NFIB: variants seen among roughly 807,000 people sequenced by gnomAD.
The protein encoded by NFIB is nuclear factor 1 B-type.
Under a neutral mutation model 61.5 loss-of-function variants are expected in NFIB, and 11 were observed. The observed-to-expected ratio is 0.18, with a 90% CI of 0.11 to 0.30. The LOEUF is 0.30. Among genes scored for constraint, NFIB ranks in the 10% least tolerant of loss-of-function variants. NFIB has a pLI of 1.00. For synonymous variants in NFIB, 260 were observed against 216.5 expected, an observed-to-expected ratio of 1.20 and a Z score of -1.76; for missense variants, 471 against 608.9, an observed-to-expected ratio of 0.77 and a Z score of 2.38.
chr9:14,348,534 G>A (rs948479042), intron 1 of NFIB, among the ~76,000 whole-genome samples: 1 of 152,164 alleles, frequency 6.6e-6, no homozygotes, highest in African/African-American at 2.4e-5. Flanking sequence ...TCAGTGCTTC[G>A]GCTCCAGTTT....
upstream of NFIB, among the ~76,000 whole-genome samples, chr9:14,400,887 G>C (rs941724085): frequency 2.0e-5 from 3 of 152,210 alleles, no homozygotes; most frequent in Non-Finnish European, 4.4e-5. Context: ...AGGAGGCAAT[G>C]GCTTGGCAAA....
the NFIB span, among the ~76,000 whole-genome samples, chr9:14,507,703 G>A: frequency 2.0e-5 from 3 of 152,172 alleles, no homozygotes; most frequent in African/African-American, 7.2e-5. Flanking sequence ...AACTGGCAGA[G>A]TGTTAGGTTT....
In NFIB at chr9:14,219,381, TA is replaced by T. The variant is rs751279935; in HGVS notation, c.563-39602del. Among the ~76,000 whole-genome samples the T allele has an allele frequency of 3.0e-3, 220 of 73,504 alleles. 1 individual carries two copies. In the Middle Eastern group the frequency reaches 0.037, roughly 12 times the overall value. 48.2% of individuals were successfully genotyped at this position (73,504 alleles called of 152,430 possible). A position where few individuals can be genotyped will look rare whatever the true frequency, so the allele number is the denominator to read the frequency against. ...ATAGAGTCATCTTGTAGCACTAGGG[TA>T]AAAAAAAAAAAAAAAAAAAAAAGTC... On this transcript the variant is annotated intron_variant, in intron 2 of 10. Transcript: ENST00000380953.
At chr9:14,407,615 G>C in the NFIB span, among the ~76,000 whole-genome samples, 6 of 152,164 alleles carry the variant, frequency 3.9e-5, no homozygotes, top group Admixed American at 3.3e-4. Context: ...TAAAAATTCA[G>C]ATAGTGTGGA....
chr9:14,159,071 G>C (rs2043820840), intron 3 of NFIB, among the ~76,000 whole-genome samples: 1 of 152,184 alleles, frequency 6.6e-6, no homozygotes, highest in African/African-American at 2.4e-5. Flanking sequence ...TGACCATTAA[G>C]ATGGAGTGGG....
At chr9:14,439,090 G>A in the NFIB span, among the ~76,000 whole-genome samples, 16 of 152,336 alleles carry the variant, frequency 1.1e-4, 1 homozygote, top group South Asian at 3.3e-3. Context: ...GAAGTTTCAG[G>A]CTCGGCGTTG....
chr9:14,248,240 C>A (rs2132104264), intron 2 of NFIB, among the ~76,000 whole-genome samples: 1 of 151,410 alleles, frequency 6.6e-6, no homozygotes, highest in East Asian at 2.0e-4. Context: ...TCCTAGCAAT[C>A]CTCCCACCTA....
At chr9:14,239,330 G>A (rs1332181597) in intron 2 of NFIB, among the ~76,000 whole-genome samples, 1 of 152,082 alleles carries the variant, frequency 6.6e-6, no homozygotes, top group Non-Finnish European at 1.5e-5. Flanking sequence ...GGTGTAGAGA[G>A]GAAAAGAGGA....
the NFIB span, among the ~76,000 whole-genome samples, chr9:14,442,006 T>C: frequency 1.3e-5 from 2 of 152,184 alleles, no homozygotes; most frequent in Non-Finnish European, 2.9e-5. Context: ...TGCTAAACAC[T>C]TCACAGGAAT....
rs1018552746 is a variant in NFIB, at chr9:14,330,297, C to G, written c.109-22777G>C. ...TAATATTCTTATCTGACATACCTCACAGAAATGTGATCATGTGCTAAGACC... is the reference window on the plus strand; with the variant it reads ...TAATATTCTTATCTGACATACCTCAGAGAAATGTGATCATGTGCTAAGACC... On this transcript the variant is annotated intron_variant, in intron 1 of 8. Transcript: ENST00000380934. Among the ~76,000 whole-genome samples, 7 of 152,116 alleles carry G rather than the reference C, an allele frequency of 4.6e-5. No individual in the cohort carries two copies. The South Asian group carries it at 1.0e-3, about 23-fold the overall frequency.
chr9:14,463,576 TC>T, the NFIB span, among the ~76,000 whole-genome samples: 1 of 151,706 alleles, frequency 6.6e-6, no homozygotes, highest in East Asian at 1.9e-4. Flanking sequence ...AAGTGAATTT[TC>T]CCCACATTTT....
At chr9:14,335,145 T>C (rs945201363) in intron 1 of NFIB, among the ~76,000 whole-genome samples, 2 of 152,254 alleles carry the variant, frequency 1.3e-5, no homozygotes, top group African/African-American at 4.8e-5. Flanking sequence ...AACATTCATG[T>C]ACAAGTCTTT....
chr9:14,486,998 G>C, the NFIB span, among the ~76,000 whole-genome samples: 2 of 152,104 alleles, frequency 1.3e-5, no homozygotes, highest in African/African-American at 2.4e-5. Flanking sequence ...TTTAATTTTT[G>C]TGTCAGGTTA....
In NFIB at chr9:14,313,403, C is replaced by G. The variant is rs2060384988; in HGVS notation, c.30+79G>C. 2 of 1,597,610 alleles carry G rather than the reference C, an allele frequency of 1.3e-6. No homozygotes were observed. The highest frequency in any genetic ancestry group is 3.3e-4 in the Middle Eastern group (2 of 6,012). ...GGGATGTGCGGAGGTTAACTCAAGC[C>G]GCTAATTGTCCGCAACAAAACAAAA... On this transcript the variant is annotated intron_variant, in intron 1 of 10. Transcript: ENST00000380953. The surrounding 1 kb of genome is among the most constrained non-coding windows in gnomAD (Gnocchi z 4.5).
chr9:14,216,710 T>C (rs1276529752), intron 2 of NFIB, among the ~76,000 whole-genome samples: 2 of 152,078 alleles, frequency 1.3e-5, no homozygotes, highest in Non-Finnish European at 2.9e-5. Context: ...CCAGGTCAGG[T>C]CTACCTAACA....
At chr9:14,194,652 A>G (rs975470787) in intron 2 of NFIB, among the ~76,000 whole-genome samples, 2 of 152,192 alleles carry the variant, frequency 1.3e-5, no homozygotes, top group Admixed American at 1.3e-4. Context: ...ATGCCATAGG[A>G]ATAGATAATT....
chr9:14,418,309 T>C, the NFIB span, among the ~76,000 whole-genome samples: 1 of 152,192 alleles, frequency 6.6e-6, no homozygotes, highest in Non-Finnish European at 1.5e-5. Flanking sequence ...CATGCCTAAA[T>C]ACAGCTCAGC....
intron 10 of NFIB, among the ~76,000 whole-genome samples, chr9:14,107,106 C>A (rs1029181014): frequency 2.0e-5 from 3 of 151,772 alleles, no homozygotes; most frequent in African/African-American, 7.3e-5. Flanking sequence ...GCTCTTTTTG[C>A]GGTGGAAAAC....
At chr9:14,235,268 A>G (rs1339703014) in intron 2 of NFIB, among the ~76,000 whole-genome samples, 7 of 152,228 alleles carry the variant, frequency 4.6e-5, no homozygotes, top group Non-Finnish European at 1.0e-4. Context: ...GACATCATTT[A>G]AAACTTGGGA....
Sources: gnomAD v4.1 joint callset for allele counts (sites outside exome capture counted in the v4.1 genomes callset) on GRCh38, gnomAD v4.1.1 for gene constraint, Gnocchi (gnomAD v3.1) non-coding constraint, MANE v1.5 for transcripts, NCBI Gene and HGNC (gene_info 2026-07-23, HGNC 2026-07-21) for gene names.